The following GLIS3 variants were observed in gnomAD, a reference collection of about 807,000 sequenced individuals.
The protein encoded by GLIS3 is zinc finger protein GLIS3.
In GLIS3, 53 loss-of-function variants were observed where a neutral mutation model predicts 78.6. The observed-to-expected ratio is 0.67, with a 90% CI of 0.54 to 0.85. GLIS3 has a LOEUF of 0.85. Among genes scored for constraint, GLIS3 ranks in the 40% least tolerant of loss-of-function variants. The pLI is 0.00. For synonymous variants in GLIS3, 684 were observed against 509.9 expected (o/e 1.34, Z -4.60); for missense variants, 1,703 against 1,231.1 (o/e 1.38, Z -5.74).
At chr9:4,480,196 C>CTT in the GLIS3 span, among the ~76,000 whole-genome samples, 4 of 133,366 alleles carry the variant, frequency 3.0e-5, no homozygotes, top group African/African-American at 1.2e-4. Context: ...CCAGGCTGGG[C>CTT]TTTCTTTTTT....
intron 4 of GLIS3, among the ~76,000 whole-genome samples, chr9:4,089,285 G>T (rs970274692): frequency 2.6e-5 from 4 of 152,020 alleles, no homozygotes; most frequent in Non-Finnish European, 4.4e-5. Flanking sequence ...TTTAATGTTG[G>T]TATATCTCAA....
At chr9:3,898,042 T>G (rs1278886805) in intron 7 of GLIS3, among the ~76,000 whole-genome samples, 1 of 152,144 alleles carries the variant, frequency 6.6e-6, no homozygotes, top group Non-Finnish European at 1.5e-5. Flanking sequence ...TTACAGAGAG[T>G]AGAAAATGCA....
At chr9:3,958,235 A>G (rs771141782) in intron 4 of GLIS3, among the ~76,000 whole-genome samples, 1 of 152,196 alleles carries the variant, frequency 6.6e-6, no homozygotes, top group South Asian at 2.1e-4. Flanking sequence ...TCCCACATGT[A>G]TAATAACAAT....
intron 9 of GLIS3, among the ~76,000 whole-genome samples, chr9:3,844,345 T>C (rs1028755707): frequency 6.6e-6 from 1 of 152,134 alleles, no homozygotes; most frequent in African/African-American, 2.4e-5. Context: ...ATATAAGACA[T>C]AGATTGTCAT....
the GLIS3 span, among the ~76,000 whole-genome samples, chr9:4,418,323 T>C: frequency 1.1e-3 from 166 of 152,308 alleles, no homozygotes; most frequent in African/African-American, 3.6e-3. Context: ...GAGGGAAAGA[T>C]AGACATGCAG....
chr9:4,125,468 AG>A (rs746119366), intron 3 of GLIS3, among the ~76,000 whole-genome samples: 1 of 152,202 alleles, frequency 6.6e-6, no homozygotes, highest in Non-Finnish European at 1.5e-5. Context: ...TCAGTCACTG[AG>A]GCCCCACAAT....
the GLIS3 span, among the ~76,000 whole-genome samples, chr9:4,398,411 C>G: frequency 8.5e-5 from 13 of 152,112 alleles, no homozygotes; most frequent in Middle Eastern, 3.4e-3. Flanking sequence ...CCAGGTGATT[C>G]AAGTGCACAT....
chr9:4,196,407 C>A (rs1045100156), intron 2 of GLIS3, among the ~76,000 whole-genome samples: 1 of 152,174 alleles, frequency 6.6e-6, no homozygotes, highest in Non-Finnish European at 1.5e-5. Context: ...GGTCCCTTTC[C>A]GCACTGTGGA....
intron 2 of GLIS3, among the ~76,000 whole-genome samples, chr9:4,274,290 G>C (rs1375872953): frequency 6.6e-6 from 1 of 152,164 alleles, no homozygotes; most frequent in African/African-American, 2.4e-5. Context: ...TGCATCCCTT[G>C]ATCAAAAAGC....
the GLIS3 span, among the ~76,000 whole-genome samples, chr9:4,488,071 C>G: frequency 6.6e-6 from 1 of 151,124 alleles, no homozygotes; most frequent in African/African-American, 2.4e-5. Flanking sequence ...TTCTTCTGGT[C>G]TTTTTTTCTA....
At chr9:4,108,578 T>G (rs1034995794) in intron 4 of GLIS3, among the ~76,000 whole-genome samples, 1 of 152,142 alleles carries the variant, frequency 6.6e-6, no homozygotes, top group African/African-American at 2.4e-5. Flanking sequence ...TCTGGGCAAT[T>G]TTCATACTAG....
At chr9:4,151,479 G>C (rs796977023) in intron 2 of GLIS3, among the ~76,000 whole-genome samples, 7 of 152,320 alleles carry the variant, frequency 4.6e-5, no homozygotes, top group African/African-American at 1.7e-4. Context: ...ACCTTGCTTA[G>C]AAAGGGGGAA....
intron 8 of GLIS3, among the ~76,000 whole-genome samples, chr9:3,863,604 G>A (rs753751837): frequency 1.3e-5 from 2 of 152,166 alleles, no homozygotes; most frequent in Non-Finnish European, 2.9e-5. Context: ...CAAAAATGAT[G>A]GCCTGAACCT....
At chr9:4,226,636 T>C (rs578026287) in intron 2 of GLIS3, among the ~76,000 whole-genome samples, 1 of 152,296 alleles carries the variant, frequency 6.6e-6, no homozygotes, top group African/African-American at 2.4e-5. Context: ...GCTTCAAAGT[T>C]TGGAGATAGC....
At chr9:3,954,859 T>G (rs1483131434) in intron 4 of GLIS3, among the ~76,000 whole-genome samples, 1 of 152,204 alleles carries the variant, frequency 6.6e-6, no homozygotes, top group East Asian at 1.9e-4. Context: ...GCTTTTTACT[T>G]CATTTGGTTT....
rs569091217 is a variant in GLIS3, at chr9:3,984,425, C to T, written c.1711-47236G>A. Among the ~76,000 whole-genome samples, 172 of 152,296 alleles carry T rather than the reference C, an allele frequency of 1.1e-3. 1 individual carries two copies. Among genetic ancestry groups the T allele is most frequent in the African/African-American group, 3.2e-3 (135 of 41,556 alleles). On this transcript the variant is annotated intron_variant, in intron 4 of 10. Transcript: ENST00000381971. ...ATTTTGGAGCTCTAAGATTTGACTG[C>T]CCCGCTGGATTTGGGAATTGCATGG...
chr9:3,981,564 AACTTAGAGG>A (rs1256445330), intron 4 of GLIS3, among the ~76,000 whole-genome samples: 2 of 152,176 alleles, frequency 1.3e-5, no homozygotes, highest in Non-Finnish European at 2.9e-5. Flanking sequence ...CTAGACCATA[AACTTAGAGG>A]ACAGGAACCC....
chr9:4,059,804 TTGTG>T (rs138674422), intron 4 of GLIS3, among the ~76,000 whole-genome samples: 3,471 of 107,508 alleles, frequency 0.032, 201 homozygotes, highest in African/African-American at 0.1. Context: ...TCAGCTTTAT[TTGTG>T]TGTGTGTGTG....
At chr9:3,960,785 T>C (rs953845772) in intron 4 of GLIS3, among the ~76,000 whole-genome samples, 5 of 152,220 alleles carry the variant, frequency 3.3e-5, no homozygotes, top group Non-Finnish European at 7.3e-5. Context: ...ACTGGTGCCT[T>C]ACAAAAATTT....
Sources: gnomAD v4.1 joint callset for allele counts (sites outside exome capture counted in the v4.1 genomes callset) on GRCh38, gnomAD v4.1.1 for gene constraint, MANE v1.5 for transcripts, NCBI Gene and HGNC (gene_info 2026-07-23, HGNC 2026-07-21) for gene names.